The following RARS2 variants were observed in gnomAD, a reference collection of about 807,000 sequenced individuals.
RARS2 encodes probable arginine--tRNA ligase, mitochondrial.
RARS2 carries 67 observed loss-of-function variants against 88.5 expected under a neutral mutation model. That is an observed-to-expected ratio of 0.76 (90% confidence interval 0.62 to 0.93). RARS2 has a LOEUF of 0.93. Among genes scored for constraint, RARS2 ranks in the 40% least tolerant of loss-of-function variants. The pLI is 0.00. For missense variants in RARS2, 664 were observed against 684.2 expected (o/e 0.97, Z 0.33); for synonymous variants, 239 against 230.3 (o/e 1.04, Z -0.34).
At position 87,519,857 on chromosome 6, in the gene RARS2, C is replaced by T. The variant is rs1204998543; in HGVS notation, c.1113-150G>A. On this transcript the variant is annotated intron_variant, in intron 13 of 19. Transcript: ENST00000369536. ...TGAAATTGATGTGATTTGTATGCTA[C>T]AAAGGACGTTAAGCACAGCTTCACT... 4.2e-5 allele frequency: 40 copies of T among 944,822 alleles called. 1 individual carries two copies. The Admixed American group carries it at 7.8e-4, about 18-fold the overall frequency. 58.5% of individuals were successfully genotyped at this position (944,822 alleles called of 1,614,324 possible).
intron 6 of RARS2, among the ~76,000 whole-genome samples, chr6:87,547,993 T>C (rs1213181469): frequency 6.6e-6 from 1 of 152,222 alleles, no homozygotes; most frequent in Non-Finnish European, 1.5e-5. Flanking sequence ...AGTGCTCACA[T>C]GACCGAGGTG....
chr6:87,529,347 C>T (rs1776716709), intron 10 of RARS2, among the ~76,000 whole-genome samples, 195 bp downstream of exon 10: 1 of 152,092 alleles, frequency 6.6e-6, no homozygotes. Context: ...AAGTAACATC[C>T]TTTCTCCAAG....
rs184267960 is a variant in RARS2, at chr6:87,577,106, T to C, written c.37-7516A>G. On this transcript the variant is annotated intron_variant, in intron 1 of 19. Transcript: ENST00000369536. Reference sequence around the variant, plus strand: ...ACTGGGATTGCCCTACGCATTTGCATCCATGGTATCAGAAGAAAAAATGTG... The same window carrying C: ...ACTGGGATTGCCCTACGCATTTGCACCCATGGTATCAGAAGAAAAAATGTG... Among the ~76,000 whole-genome samples, 417 of 152,352 alleles carry C rather than the reference T, an allele frequency of 2.7e-3. 6 individuals are homozygous for C. The highest frequency in any genetic ancestry group is 0.025 in the South Asian group (119 of 4,828).
intron 9 of RARS2, 102 bp from the exon 10 acceptor site, chr6:87,529,750 G>A: frequency 2.6e-6 from 2 of 783,742 alleles, no homozygotes; most frequent in South Asian, 2.8e-5. Context: ...TCACACACAT[G>A]AACACAATAA....
Position 87,576,102 on chromosome 6 carries a change from A to G in RARS2, c.37-6512T>C, listed in dbSNP as rs1198811628. Among the ~76,000 whole-genome samples, 2 of 59,822 alleles carry G rather than the reference A, an allele frequency of 3.3e-5. 1 individual carries two copies. The highest frequency in any genetic ancestry group is 7.2e-5 in the Non-Finnish European group (2 of 27,936). The allele number at this position is 59,822 out of a possible 152,430, so 39.2% of individuals were successfully genotyped here. ...GGCGTGAGCCAATGCGCCCAGCTGG[A>G]TAAGTCTTCTTTAAAAATTGAGTCA... On this transcript the variant is annotated intron_variant, in intron 1 of 19. Coordinates refer to ENST00000369536, the MANE Select transcript of RARS2 (RefSeq NM_020320.5).
intron 5 of RARS2, among the ~76,000 whole-genome samples, chr6:87,550,468 A>G (rs1036699652): frequency 4.6e-5 from 7 of 152,114 alleles, no homozygotes; most frequent in African/African-American, 1.7e-4. Flanking sequence ...AGAAACTAGA[A>G]AAAGTAGAGC....
intron 8 of RARS2, among the ~76,000 whole-genome samples, chr6:87,533,279 G>T (rs1778102828): frequency 1.1e-5 from 1 of 94,776 alleles, no homozygotes; most frequent in African/African-American, 5.5e-5. Flanking sequence ...AAAACAAAAA[G>T]CCCTTAAAAC....
chr6:87,550,391 A>G (rs1233365366), intron 5 of RARS2, among the ~76,000 whole-genome samples: 3 of 152,212 alleles, frequency 2.0e-5, no homozygotes, highest in African/African-American at 7.2e-5. Context: ...AAAGCAGAAA[A>G]ATCTACAACA....
At chr6:87,517,137 G>A (rs1487942812) in intron 17 of RARS2, among the ~76,000 whole-genome samples, 1 of 152,050 alleles carries the variant, frequency 6.6e-6, no homozygotes, top group African/African-American at 2.4e-5. Context: ...AATTAGCCAG[G>A]TGTGGTGGCA....
At chr6:87,546,262 C>CG (rs1782605636) in intron 6 of RARS2, among the ~76,000 whole-genome samples, 1 of 152,198 alleles carries the variant, frequency 6.6e-6, no homozygotes, top group Non-Finnish European at 1.5e-5. Context: ...CCCTCATCTA[C>CG]TGCCGAGGCT....
chr6:87,521,061 A>C (rs1266683575), intron 12 of RARS2, among the ~76,000 whole-genome samples: 2 of 152,260 alleles, frequency 1.3e-5, no homozygotes, highest in African/African-American at 4.8e-5. Flanking sequence ...GCTATTGATA[A>C]AAGTACTATG....
chr6:87,540,466 A>C lies in RARS2; in HGVS notation c.612+1452T>G, dbSNP rs547829258. 1.4e-4 allele frequency among the ~76,000 whole-genome samples: 21 copies of C among 151,918 alleles called. No homozygotes were observed. The South Asian group carries it at 3.5e-3, about 26-fold the overall frequency. On this transcript the variant is annotated intron_variant, in intron 8 of 19. Coordinates refer to ENST00000369536, the MANE Select transcript of RARS2 (RefSeq NM_020320.5). ...CTCCTCAAAAAAAAAAAAAAAAAAA[A>C]AAAACTGGAATATGTTTTTGTTCAA...
chr6:87,582,909 T>C lies in RARS2; in HGVS notation c.36+7013A>G, dbSNP rs138465804. On this transcript the variant is annotated intron_variant, in intron 1 of 19. Coordinates refer to ENST00000369536, the MANE Select transcript of RARS2 (RefSeq NM_020320.5). ...CAGATGTAAGTTAATAACGAGAGCGTAAAGCTACTTAAAATGTACCAGTTA... is the reference window on the plus strand; with the variant it reads ...CAGATGTAAGTTAATAACGAGAGCGCAAAGCTACTTAAAATGTACCAGTTA... 7.3e-3 allele frequency among the ~76,000 whole-genome samples: 1,116 copies of C among 152,316 alleles called. 24 individuals are homozygous for C. Among genetic ancestry groups the C allele is most frequent in the African/African-American group, 0.025 (1,055 of 41,562 alleles).
intron 1 of RARS2, among the ~76,000 whole-genome samples, chr6:87,587,690 C>A (rs74889315): frequency 6.6e-5 from 10 of 152,318 alleles, no homozygotes; most frequent in African/African-American, 2.4e-4. Flanking sequence ...TTCTATATCA[C>A]AGGGTTGCCA....
intron 10 of RARS2, among the ~76,000 whole-genome samples, chr6:87,527,883 A>T (rs13215013): frequency 0.032 from 4,868 of 152,256 alleles, 104 homozygotes; most frequent in Middle Eastern, 0.054. Context: ...AGACACAAGG[A>T]AGGAAAGAAC....
chr6:87,514,189 T>C lies in RARS2; in HGVS notation c.*224A>G, dbSNP rs1049470180. 2.0e-5 allele frequency among the ~76,000 whole-genome samples: 3 copies of C among 151,930 alleles called. No individual in the cohort carries two copies. The highest frequency in any genetic ancestry group is 7.2e-5 in the African/African-American group (3 of 41,398). On this transcript the variant is annotated 3_prime_UTR_variant, in exon 20 of 20. Transcript: ENST00000369536. ...AGCCTGGCGTGATGGCACGTGCCTG[T>C]AATCCCAGCTACTCAGGAGGCTGAG...
chr6:87,521,638 G>A (rs898286379), intron 11 of RARS2, 114 bp from the exon 12 acceptor site: 2 of 772,704 alleles, frequency 2.6e-6, no homozygotes, highest in South Asian at 1.5e-5. Context: ...TTATACCACA[G>A]CCTGAGGAAT....
chr6:87,562,165 G>C (rs1477499402), intron 4 of RARS2, among the ~76,000 whole-genome samples: 1 of 152,012 alleles, frequency 6.6e-6, no homozygotes, highest in African/African-American at 2.4e-5. Flanking sequence ...ATGCTGCCAG[G>C]GCTGGTCTTG....
intron 1 of RARS2, chr6:87,589,627 C>T (rs1375935171): frequency 1.0e-6 from 1 of 970,080 alleles, no homozygotes; most frequent in Non-Finnish European, 1.2e-6. Flanking sequence ...TAATCATGGT[C>T]TAATGACTTG....
Sources: gnomAD v4.1 joint callset for allele counts (sites outside exome capture counted in the v4.1 genomes callset) on GRCh38, gnomAD v4.1.1 for gene constraint, MANE v1.5 for transcripts, NCBI Gene and HGNC (gene_info 2026-07-23, HGNC 2026-07-21) for gene names.